CNTLN: variants seen among roughly 807,000 people sequenced by gnomAD.
The protein encoded by CNTLN is centlein.
Under a neutral mutation model 180.0 loss-of-function variants are expected in CNTLN, and 212 were observed. The observed-to-expected ratio is 1.18, with a 90% confidence interval of 1.05 to 1.32. The LOEUF (loss-of-function observed/expected upper bound fraction) is 1.32. CNTLN is among the 40% of genes most tolerant of loss of function. CNTLN has a pLI of 0.00. For synonymous variants in CNTLN, 722 were observed against 563.1 expected (o/e 1.28, Z -3.99); for missense variants, 2,095 against 1,610.9 (o/e 1.30, Z -5.14).
intron 5 of CNTLN, among the ~76,000 whole-genome samples, chr9:17,247,963 T>C (rs1825904428): frequency 6.6e-6 from 1 of 151,642 alleles, no homozygotes; most frequent in Admixed American, 6.6e-5. Flanking sequence ...TGGAAGCAGG[T>C]GGTACTACAG....
At chr9:17,469,818 G>C (rs1477346256) in intron 23 of CNTLN, among the ~76,000 whole-genome samples, 3 of 150,564 alleles carry the variant, frequency 2.0e-5, no homozygotes. Context: ...GTAGTTAAGA[G>C]GATAGAGCTC....
At chr9:17,501,988 T>C (rs1467993106) in intron 25 of CNTLN, among the ~76,000 whole-genome samples, 3 of 152,244 alleles carry the variant, frequency 2.0e-5, no homozygotes, top group Non-Finnish European at 4.4e-5. Flanking sequence ...CTACATTTCA[T>C]AAACTCAGCA....
intron 6 of CNTLN, among the ~76,000 whole-genome samples, chr9:17,283,780 G>C (rs1295237060): frequency 2.6e-5 from 4 of 152,142 alleles, no homozygotes; most frequent in Non-Finnish European, 5.9e-5. Flanking sequence ...TCAATACCTA[G>C]TTTATTGAGC....
intron 6 of CNTLN, among the ~76,000 whole-genome samples, chr9:17,293,665 A>G (rs997421914): frequency 1.3e-5 from 2 of 152,166 alleles, no homozygotes; most frequent in Non-Finnish European, 2.9e-5. Flanking sequence ...AGCTGCAGTG[A>G]TGGCTGCCAC....
intron 7 of CNTLN, among the ~76,000 whole-genome samples, chr9:17,303,257 C>T (rs17755748): frequency 0.22 from 33,804 of 152,036 alleles, 4,064 homozygotes; most frequent in South Asian, 0.35. Context: ...CTAAAAGCCT[C>T]GGTAAACAGA....
intron 2 of CNTLN, among the ~76,000 whole-genome samples, chr9:17,209,407 A>G (rs1287671093): frequency 6.6e-6 from 1 of 152,222 alleles, no homozygotes; most frequent in East Asian, 1.9e-4. Flanking sequence ...CAGTTGGATG[A>G]AATCATCTGT....
intron 1 of CNTLN, 119 bp downstream of exon 1, chr9:17,135,544 A>T (rs1485721264): frequency 7.8e-7 from 1 of 1,289,278 alleles, no homozygotes; most frequent in East Asian, 2.7e-5. Context: ...TCCCTGGCAG[A>T]TGCACACCCT....
intron 7 of CNTLN, 68 bp from the exon 8 acceptor site, chr9:17,308,990 A>G: frequency 1.9e-6 from 2 of 1,053,982 alleles, no homozygotes; most frequent in Non-Finnish European, 2.7e-6. Flanking sequence ...ACACACACAC[A>G]CACACAGACA....
intron 2 of CNTLN, among the ~76,000 whole-genome samples, chr9:17,188,644 A>C (rs1292316852): frequency 1.1e-4 from 16 of 152,126 alleles, no homozygotes; most frequent in Admixed American, 9.8e-4. Flanking sequence ...CAGTGGTTTC[A>C]AGTTTTCTGA....
At chr9:17,273,674 GT>G in intron 5 of CNTLN, 58 bp from the exon 6 acceptor site, 1 of 854,142 alleles carries the variant, frequency 1.2e-6, no homozygotes, top group Non-Finnish European at 1.7e-6. Context: ...TATAACAGAT[GT>G]TTTGTTACAT....
intron 5 of CNTLN, among the ~76,000 whole-genome samples, chr9:17,253,443 A>G (rs1004479991): frequency 9.3e-5 from 14 of 151,292 alleles, no homozygotes; most frequent in Admixed American, 4.0e-4. Flanking sequence ...TTCTTTCATC[A>G]GTGTTTTGTT....
At chr9:17,226,908 CTTT>C (rs1013675751) in intron 3 of CNTLN, among the ~76,000 whole-genome samples, 1 of 151,108 alleles carries the variant, frequency 6.6e-6, no homozygotes, top group Admixed American at 6.6e-5. Context: ...GTGCCACAGA[CTTT>C]TTTTTAATTT....
intron 10 of CNTLN, among the ~76,000 whole-genome samples, chr9:17,334,016 G>C (rs1270821789): frequency 6.6e-6 from 1 of 152,016 alleles, no homozygotes; most frequent in African/African-American, 2.4e-5. Flanking sequence ...GGATATTATG[G>C]GCATTTTTGA....
At chr9:17,215,750 G>T (rs1823703179) in intron 2 of CNTLN, among the ~76,000 whole-genome samples, 1 of 152,120 alleles carries the variant, frequency 6.6e-6, no homozygotes, top group African/African-American at 2.4e-5. Flanking sequence ...CCTCAGCAAT[G>T]GTGGGCACCC....
Position 17,223,676 on chromosome 9 carries a change from C to T in CNTLN, c.450-2527C>T, listed in dbSNP as rs186945685. On this transcript the variant is annotated intron_variant, in intron 2 of 25. Coordinates refer to ENST00000380647, the MANE Select transcript of CNTLN (RefSeq NM_017738.4). ...CCTGGCTGTTTCATTTGCCTTCTAA[C>T]TTGTCTTTTTGCTTTCTCCCTTGAC... Among the ~76,000 whole-genome samples the T allele has an allele frequency of 1.1e-3, 171 of 152,168 alleles. 1 individual carries two copies. The East Asian group carries it at 0.02, about 18-fold the overall frequency.
intron 12 of CNTLN, among the ~76,000 whole-genome samples, chr9:17,350,909 C>T (rs1487733639): frequency 1.3e-5 from 2 of 152,246 alleles, no homozygotes; most frequent in African/African-American, 2.4e-5. Context: ...ATATATAACA[C>T]ATATGTCACA....
At chr9:17,186,926 TC>T (rs1821468204) in intron 2 of CNTLN, among the ~76,000 whole-genome samples, 1 of 152,086 alleles carries the variant, frequency 6.6e-6, no homozygotes. Context: ...GGATTAGGAT[TC>T]CTATATGAGA....
chr9:17,386,854 A>G (rs1357770298), intron 13 of CNTLN, among the ~76,000 whole-genome samples: 1 of 152,210 alleles, frequency 6.6e-6, no homozygotes, highest in Non-Finnish European at 1.5e-5. Flanking sequence ...AGTATAACAG[A>G]TATTTAAATG....
At chr9:17,284,953 G>A (rs999145539) in intron 6 of CNTLN, among the ~76,000 whole-genome samples, 4 of 150,790 alleles carry the variant, frequency 2.7e-5, no homozygotes, top group African/African-American at 9.8e-5. Context: ...TCTGTGTGTT[G>A]TCTCTTTGTT....
Sources: allele counts gnomAD v4.1 joint callset (sites outside exome capture counted in the v4.1 genomes callset), GRCh38; gene constraint gnomAD v4.1.1; transcripts MANE v1.5; gene names NCBI Gene and HGNC (gene_info 2026-07-23, HGNC 2026-07-21).